The following CSMD1 variants were observed in gnomAD, a reference collection of about 807,000 sequenced individuals.
The protein encoded by CSMD1 is CUB and sushi domain-containing protein 1.
In CSMD1, 213 loss-of-function variants were observed where a neutral mutation model predicts 417.5. That is an observed-to-expected ratio of 0.51 (90% confidence interval 0.46 to 0.57). The LOEUF (loss-of-function observed/expected upper bound fraction) is 0.57. Ranked by LOEUF, CSMD1 falls within the 20% of genes least tolerant of loss-of-function variation. The pLI is 0.00. For synonymous variants in CSMD1, 2,862 were observed against 1,736.8 expected (o/e 1.65, Z -16.11); for missense variants, 6,923 against 4,529.7 (o/e 1.53, Z -15.17).
intron 1 of CSMD1, among the ~76,000 whole-genome samples, chr8:4,739,692 G>A (rs1051851012): frequency 3.4e-4 from 51 of 152,202 alleles, no homozygotes; most frequent in African/African-American, 1.2e-3. Flanking sequence ...TTTTTGTCTA[G>A]CATTTTGTGT....
At position 3,364,673 on chromosome 8, in the gene CSMD1, C is replaced by T. The variant is rs1252760974; in HGVS notation, c.3115+2359G>A. Reference sequence around the variant, plus strand: ...TTAAAAGGGCTTCTTCTCTTTTACCCCATGGGGATATGGGCGATTCTCCCC... The same window carrying T: ...TTAAAAGGGCTTCTTCTCTTTTACCTCATGGGGATATGGGCGATTCTCCCC... On this transcript the variant is annotated intron_variant, in intron 20 of 69. Transcript: ENST00000635120. Among the ~76,000 whole-genome samples, 3 of 152,148 alleles carry T rather than the reference C, an allele frequency of 2.0e-5. No individual in the cohort carries two copies. In the East Asian group the frequency reaches 5.8e-4, roughly 29 times the overall value.
chr8:3,613,749 T>C (rs1802005692), intron 8 of CSMD1, among the ~76,000 whole-genome samples: 1 of 127,214 alleles, frequency 7.9e-6, no homozygotes, highest in African/African-American at 2.8e-5. Context: ...CTCAAAAAAT[T>C]ACAAACAGAA....
At chr8:3,362,768 G>C (rs939966841) in intron 20 of CSMD1, among the ~76,000 whole-genome samples, 6 of 152,016 alleles carry the variant, frequency 3.9e-5, no homozygotes, top group African/African-American at 7.3e-5. Flanking sequence ...GCAAAATCTT[G>C]ACCCCACTCT....
chr8:4,239,659 G>A (rs909435961), intron 3 of CSMD1, among the ~76,000 whole-genome samples: 2 of 152,198 alleles, frequency 1.3e-5, no homozygotes, highest in African/African-American at 2.4e-5. Flanking sequence ...CGGGGTCACA[G>A]AGCATTGCAT....
intron 52 of CSMD1, among the ~76,000 whole-genome samples, chr8:3,011,839 A>C (rs1315794951): frequency 6.6e-6 from 1 of 152,216 alleles, no homozygotes; most frequent in Admixed American, 6.5e-5. Context: ...ACCTCTTCCT[A>C]GTTTGTGTGT....
chr8:3,821,879 G>A (rs1294241979), intron 5 of CSMD1, among the ~76,000 whole-genome samples: 2 of 152,152 alleles, frequency 1.3e-5, no homozygotes, highest in African/African-American at 2.4e-5. Flanking sequence ...CACGGAGAAG[G>A]TAAAAACCAT....
intron 5 of CSMD1, among the ~76,000 whole-genome samples, chr8:3,935,928 A>C (rs1810462190): frequency 6.6e-6 from 1 of 152,174 alleles, no homozygotes; most frequent in Non-Finnish European, 1.5e-5. Flanking sequence ...TCCTGCACTA[A>C]ACAGTGAGCC....
chr8:3,226,630 T>G (rs2116886420), intron 27 of CSMD1, among the ~76,000 whole-genome samples: 1 of 149,608 alleles, frequency 6.7e-6, no homozygotes, highest in Non-Finnish European at 1.5e-5. Context: ...TCTACAGAAT[T>G]CTCCTTCTAG....
At chr8:3,043,254 C>T (rs1274930961) in intron 50 of CSMD1, among the ~76,000 whole-genome samples, 1 of 150,830 alleles carries the variant, frequency 6.6e-6, no homozygotes, top group Non-Finnish European at 1.5e-5. Flanking sequence ...ATTATATGTA[C>T]ATATAGTACT....
intron 55 of CSMD1, among the ~76,000 whole-genome samples, chr8:2,978,355 T>G (rs991335439): frequency 1.3e-5 from 2 of 152,146 alleles, no homozygotes; most frequent in African/African-American, 2.4e-5. Flanking sequence ...AAAGGCATCA[T>G]TGTCCAAGTG....
chr8:4,814,090 A>G (rs1463187649), intron 1 of CSMD1, among the ~76,000 whole-genome samples: 1 of 152,238 alleles, frequency 6.6e-6, no homozygotes, highest in Non-Finnish European at 1.5e-5. Context: ...ATTTCAGACA[A>G]AACATTTAAT....
At chr8:3,609,811 C>CATTTT (rs1801800435) in intron 8 of CSMD1, among the ~76,000 whole-genome samples, 1 of 75,264 alleles carries the variant, frequency 1.3e-5, no homozygotes, top group African/African-American at 5.0e-5. Context: ...AGTATCTTCC[C>CATTTT]TTTTTTTTTT....
chr8:4,072,819 A>G (rs944430673), intron 3 of CSMD1, among the ~76,000 whole-genome samples: 1 of 152,216 alleles, frequency 6.6e-6, no homozygotes, highest in African/African-American at 2.4e-5. Context: ...GTTTCAAGGC[A>G]GCCCAAAAGC....
At chr8:3,909,652 G>C (rs3990493) in intron 5 of CSMD1, among the ~76,000 whole-genome samples, 1 of 152,048 alleles carries the variant, frequency 6.6e-6, no homozygotes, top group Non-Finnish European at 1.5e-5. Context: ...TGGGTGAAGA[G>C]TCACCTGGGA....
intron 3 of CSMD1, among the ~76,000 whole-genome samples, chr8:4,100,053 G>A (rs1408219835): frequency 6.6e-6 from 1 of 152,116 alleles, no homozygotes. Context: ...ACGTGAGCAT[G>A]CACTTTAGAA....
chr8:4,660,446 C>T (rs2130918998), intron 1 of CSMD1, among the ~76,000 whole-genome samples: 1 of 152,092 alleles, frequency 6.6e-6, no homozygotes, highest in Non-Finnish European at 1.5e-5. Flanking sequence ...TATCAATGAT[C>T]CCAAAATTGA....
intron 30 of CSMD1, among the ~76,000 whole-genome samples, chr8:3,211,705 C>T (rs1365993619): frequency 3.3e-5 from 5 of 152,200 alleles, no homozygotes; most frequent in Admixed American, 1.3e-4. Flanking sequence ...CTCTGCAGGG[C>T]GCACCTTTCA....
intron 3 of CSMD1, among the ~76,000 whole-genome samples, chr8:4,188,896 C>A (rs1166637628): frequency 6.6e-6 from 1 of 151,758 alleles, no homozygotes; most frequent in Non-Finnish European, 1.5e-5. Flanking sequence ...CCTGATGAAA[C>A]ACACGGGGTT....
chr8:2,986,072 G>A (rs1281692754), intron 54 of CSMD1, among the ~76,000 whole-genome samples: 1 of 145,690 alleles, frequency 6.9e-6, no homozygotes, highest in African/African-American at 2.8e-5. Context: ...AGGAAAGAAG[G>A]GAGGGAGGGA....
Sources: gnomAD v4.1 joint callset for allele counts (sites outside exome capture counted in the v4.1 genomes callset) on GRCh38, gnomAD v4.1.1 for gene constraint, MANE v1.5 for transcripts, NCBI Gene and HGNC (gene_info 2026-07-23, HGNC 2026-07-21) for gene names.